Variants in ASIC2 observed in about 807,000 individuals in gnomAD.
ASIC2 encodes acid sensing ion channel subunit 2, also known as acid-sensing ion channel 2.
Under a neutral mutation model 57.3 loss-of-function variants are expected in ASIC2, and 25 were observed. The observed-to-expected ratio is 0.44, with a 90% CI of 0.32 to 0.61. The LOEUF (loss-of-function observed/expected upper bound fraction) is 0.61. Among genes scored for constraint, ASIC2 ranks in the 20% least tolerant of loss-of-function variants. ASIC2 has a pLI of 0.06. For missense variants in ASIC2, 641 were observed against 738.1 expected (o/e 0.87, Z 1.52); for synonymous variants, 319 against 307.5 (o/e 1.04, Z -0.39).
chr17:33,211,553 A>AAT (rs1034353172), intron 1 of ASIC2, among the ~76,000 whole-genome samples: 4 of 149,270 alleles, frequency 2.7e-5, no homozygotes, highest in African/African-American at 1.0e-4. Flanking sequence ...AAAAAAAAAA[A>AAT]TCAAAGTGAA....
chr17:34,088,818 G>A (rs985267948), intron 1 of ASIC2, among the ~76,000 whole-genome samples: 10 of 152,322 alleles, frequency 6.6e-5, no homozygotes, highest in Middle Eastern at 3.4e-3. Flanking sequence ...GCGAGACTCC[G>A]TGGGCGTAGG....
At position 33,894,346 on chromosome 17, in the gene ASIC2, CGTGCGTGTGTGTGTGT is replaced by C. The variant is rs1213302665; in HGVS notation, c.555+261616_555+261631del. On this transcript the variant is annotated intron_variant, in intron 1 of 9. Transcript: ENST00000359872. ...GAAGCTCTGCGTGCGTGCGTGCGTG[CGTGCGTGTGTGTGTGT>C]GTGTGTGTGTGTGTGTGTGTGTTCA... Among the ~76,000 whole-genome samples, 139 of 87,402 alleles carry C rather than the reference CGTGCGTGTGTGTGTGT, an allele frequency of 1.6e-3. No homozygotes were observed. In the East Asian group the frequency reaches 0.052, roughly 33 times the overall value. 57.3% of individuals were successfully genotyped at this position (87,402 alleles called of 152,430 possible). A position where few individuals can be genotyped will look rare whatever the true frequency, so the allele number is the denominator to read the frequency against.
chr17:34,123,259 G>C (rs1438154086), intron 1 of ASIC2, among the ~76,000 whole-genome samples: 1 of 152,076 alleles, frequency 6.6e-6, no homozygotes. Context: ...TTCTAGGCAG[G>C]GCAACGAAAT....
At chr17:33,613,059 G>C (rs920387029) in intron 1 of ASIC2, among the ~76,000 whole-genome samples, 14 of 152,204 alleles carry the variant, frequency 9.2e-5, no homozygotes, top group African/African-American at 3.1e-4. Context: ...GGAATTACCA[G>C]AGAGCCTTGG....
chr17:33,954,271 AG>A lies in ASIC2; in HGVS notation c.555+201706del, dbSNP rs67323146. ...AGATGGGGAGGAGTGTGTTGTGTGC[AG>A]CAGAATGTGGAAAGTTCTCAGGAGT... On this transcript the variant is annotated intron_variant, in intron 1 of 9. Coordinates refer to the ASIC2 transcript ENST00000359872. 7.3e-3 allele frequency among the ~76,000 whole-genome samples: 1,113 copies of A among 152,280 alleles called. 20 individuals carry two copies. The highest frequency in any genetic ancestry group is 0.025 in the African/African-American group (1,059 of 41,546).
chr17:33,824,867 C>A (rs1912859706), intron 1 of ASIC2, among the ~76,000 whole-genome samples: 1 of 152,180 alleles, frequency 6.6e-6, no homozygotes. Context: ...GTCCATTACA[C>A]CTCTTTCCTT....
intron 1 of ASIC2, among the ~76,000 whole-genome samples, chr17:33,219,600 G>C (rs61277198): frequency 3.3e-5 from 5 of 152,066 alleles, no homozygotes; most frequent in African/African-American, 1.2e-4. Flanking sequence ...TTTAAAGCCC[G>C]TAGTCTTAAG....
chr17:33,579,547 G>A (rs552305004), intron 1 of ASIC2, among the ~76,000 whole-genome samples: 50 of 152,258 alleles, frequency 3.3e-4, no homozygotes, highest in Non-Finnish European at 5.6e-4. Context: ...CTGCCTTCAA[G>A]AATGAAAGGG....
chr17:33,972,225 G>A (rs1597956086), intron 1 of ASIC2, among the ~76,000 whole-genome samples: 1 of 152,188 alleles, frequency 6.6e-6, no homozygotes, highest in Non-Finnish European at 1.5e-5. Context: ...GTCATGCCTT[G>A]TCCATGTATG....
chr17:33,148,475 T>C (rs534961437), intron 1 of ASIC2, among the ~76,000 whole-genome samples: 2 of 152,344 alleles, frequency 1.3e-5, no homozygotes, highest in East Asian at 3.9e-4. Context: ...TGGGTATCAA[T>C]GCATCATTTC....
At chr17:33,550,914 C>T (rs1174670683) in intron 1 of ASIC2, among the ~76,000 whole-genome samples, 1 of 152,018 alleles carries the variant, frequency 6.6e-6, no homozygotes, top group Non-Finnish European at 1.5e-5. Flanking sequence ...TGTGACTGAC[C>T]TGTGAATTGT....
At chr17:33,194,165 C>CT (rs1906536425) in intron 1 of ASIC2, among the ~76,000 whole-genome samples, 1 of 152,194 alleles carries the variant, frequency 6.6e-6, no homozygotes, top group Non-Finnish European at 1.5e-5. Flanking sequence ...CCCAAGCCTC[C>CT]TGACTTTTTG....
At chr17:33,625,160 T>TATC (rs1905939020) in intron 1 of ASIC2, among the ~76,000 whole-genome samples, 1 of 152,102 alleles carries the variant, frequency 6.6e-6, no homozygotes, top group Non-Finnish European at 1.5e-5. Context: ...TCTATCTATC[T>TATC]ATCTATCTAT....
chr17:34,012,570 C>T (rs542725029), intron 1 of ASIC2, among the ~76,000 whole-genome samples: 1 of 152,170 alleles, frequency 6.6e-6, no homozygotes, highest in African/African-American at 2.4e-5. Context: ...GATGAGCCCT[C>T]TCAGCCTTTA....
chr17:33,706,227 A>G (rs1323361413), intron 1 of ASIC2, among the ~76,000 whole-genome samples: 2 of 147,548 alleles, frequency 1.4e-5, no homozygotes, highest in African/African-American at 2.5e-5. Flanking sequence ...ATATATATAT[A>G]TATGTATATT....
intron 1 of ASIC2, among the ~76,000 whole-genome samples, chr17:33,326,294 A>G (rs1283942766): frequency 6.6e-6 from 1 of 152,204 alleles, no homozygotes; most frequent in Non-Finnish European, 1.5e-5. Flanking sequence ...GACCAATATC[A>G]GAGATCTATA....
rs190385638 is a variant in ASIC2 at position 33,468,705 on chromosome 17, T to C, written c.556-356638A>G. Among the ~76,000 whole-genome samples the C allele has an allele frequency of 1.4e-3, 212 of 151,862 alleles. 1 individual carries two copies. The highest frequency in any genetic ancestry group is 3.4e-3 in the Middle Eastern group (1 of 294). The stretch of plus-strand genomic sequence containing the variant: ...CCCACCCCCCACACACATACATACT[T>C]CTCACTTAAACAGGTGAAGAAAAAC... On this transcript the variant is annotated intron_variant, in intron 1 of 9. Transcript: ENST00000359872.
intron 1 of ASIC2, among the ~76,000 whole-genome samples, chr17:33,698,760 G>A (rs1053763422): frequency 2.6e-5 from 4 of 152,064 alleles, no homozygotes; most frequent in Admixed American, 6.5e-5. Flanking sequence ...GAAAGGGCAC[G>A]AGGCTGCGGT....
At chr17:33,582,019 G>A (rs962961937) in intron 1 of ASIC2, among the ~76,000 whole-genome samples, 1 of 152,128 alleles carries the variant, frequency 6.6e-6, no homozygotes, top group East Asian at 1.9e-4. Context: ...CCTGGATTCA[G>A]CACCAATTGT....
Sources: gnomAD v4.1 joint callset for allele counts (sites outside exome capture counted in the v4.1 genomes callset) on GRCh38, gnomAD v4.1.1 for gene constraint, MANE v1.5 for transcripts, NCBI Gene and HGNC (gene_info 2026-07-23, HGNC 2026-07-21) for gene names.